The following SLC27A2 variants were observed in gnomAD, a reference collection of about 807,000 sequenced individuals.
SLC27A2 encodes the protein solute carrier family 27 member 2, also known as long-chain fatty acid transport protein 2.
SLC27A2 carries 54 observed loss-of-function variants against 60.0 expected under a neutral mutation model. That is an observed-to-expected ratio of 0.90 (90% CI 0.72 to 1.13). SLC27A2 has a LOEUF of 1.13. SLC27A2 is among the 50% of genes most tolerant of loss of function. SLC27A2 has a pLI of 0.00. For synonymous variants in SLC27A2, 297 were observed against 297.6 expected, an observed-to-expected ratio of 1.00 and a Z score of 0.02; for missense variants, 739 against 777.6, an observed-to-expected ratio of 0.95 and a Z score of 0.59.
At chr15:50,192,068 A>G (rs1379848739) in intron 1 of SLC27A2, among the ~76,000 whole-genome samples, 3 of 152,130 alleles carry the variant, frequency 2.0e-5, no homozygotes, top group Admixed American at 6.5e-5. Context: ...TCAAAAAAAA[A>G]AAAAAGAAAA....
At position 50,235,992 on chromosome 15, in the gene SLC27A2, G is replaced by T; in HGVS notation, c.1759G>T (p.Val587Phe). The change falls in exon 10 of 10, where the codon GTC becomes TTC. Residue 587 changes from valine to phenylalanine, a missense_variant. Coordinates refer to ENST00000267842, the MANE Select transcript of SLC27A2 (RefSeq NM_003645.4). ...GGTGGAGGAGGGCTTTAACCCTGCT[G>T]TCATCAAAGATGCCTTGTATTTCTT... ...TLVEEGFNPAVIKDALYFLDD... is the reference protein window; with the variant it reads ...TLVEEGFNPAFIKDALYFLDD... 6.2e-7 allele frequency: 1 copy of T among 1,614,122 alleles called. No homozygotes were observed. The highest frequency in any genetic ancestry group is 1.1e-5 in the South Asian group (1 of 91,078).
chr15:50,183,545 C>G (rs1159159376), intron 1 of SLC27A2, among the ~76,000 whole-genome samples: 1 of 152,218 alleles, frequency 6.6e-6, no homozygotes, highest in African/African-American at 2.4e-5. Context: ...TGAGCCCCCA[C>G]TGCATCTATC....
intron 4 of SLC27A2, among the ~76,000 whole-genome samples, chr15:50,206,831 T>C (rs973976014): frequency 6.6e-6 from 1 of 152,218 alleles, no homozygotes; most frequent in African/African-American, 2.4e-5. Flanking sequence ...GTAGTTGAGT[T>C]GAGGGAGCTA....
intron 4 of SLC27A2, 53 bp downstream of exon 4, chr15:50,205,416 A>C: frequency 1.3e-6 from 2 of 1,562,934 alleles, no homozygotes; most frequent in Non-Finnish European, 1.7e-6. Context: ...ATGGAAATTC[A>C]AGTCACTTTG....
intron 1 of SLC27A2, among the ~76,000 whole-genome samples, chr15:50,194,000 A>G (rs903067460): frequency 1.3e-5 from 2 of 152,080 alleles, no homozygotes; most frequent in African/African-American, 4.8e-5. Flanking sequence ...CTCTACAAAA[A>G]GTTAGCTGGG....
At chr15:50,189,430 C>A (rs1179966511) in intron 1 of SLC27A2, among the ~76,000 whole-genome samples, 1 of 152,246 alleles carries the variant, frequency 6.6e-6, no homozygotes, top group African/African-American at 2.4e-5. Context: ...AGGACAGAAA[C>A]CCAGACACCA....
intron 2 of SLC27A2, among the ~76,000 whole-genome samples, 198 bp from the exon 3 acceptor site, chr15:50,202,289 A>G (rs1288951261): frequency 1.3e-5 from 2 of 152,222 alleles, no homozygotes; most frequent in Admixed American, 6.5e-5. Flanking sequence ...CAGAGATTGT[A>G]TGACCCACAA....
chr15:50,227,900 C>G (rs1332455810), intron 7 of SLC27A2, among the ~76,000 whole-genome samples: 1 of 152,178 alleles, frequency 6.6e-6, no homozygotes, highest in Non-Finnish European at 1.5e-5. Flanking sequence ...CCAGGCTCAC[C>G]TCTCCCACTG....
chr15:50,223,447 A>T (rs1298636535), intron 5 of SLC27A2, among the ~76,000 whole-genome samples: 1 of 152,228 alleles, frequency 6.6e-6, no homozygotes, highest in African/African-American at 2.4e-5. Context: ...GTGATAAAAC[A>T]CCTGAAGGTT....
chr15:50,224,495 ATGCC>A (rs1460724304), intron 5 of SLC27A2, among the ~76,000 whole-genome samples: 1 of 152,214 alleles, frequency 6.6e-6, no homozygotes, highest in African/African-American at 2.4e-5. Context: ...CTATAGCCCA[ATGCC>A]TGTCATTTAA....
At position 50,182,417 on chromosome 15, in the gene SLC27A2, C is replaced by T; in HGVS notation, c.-11C>T. Reference sequence around the variant, plus strand: ...TCTGCCCTCGCTGGGACAGAGGGCCCCGCAGCCGTCATGCTTTCCGCCATC... The same window carrying T: ...TCTGCCCTCGCTGGGACAGAGGGCCTCGCAGCCGTCATGCTTTCCGCCATC... On this transcript the variant is annotated 5_prime_UTR_variant, in exon 1 of 10. Transcript: ENST00000267842. 1 of 1,581,756 alleles carries T rather than the reference C, an allele frequency of 6.3e-7. No individual in the cohort carries two copies. Among genetic ancestry groups the T allele is most frequent in the Non-Finnish European group, 8.6e-7 (1 of 1,161,050 alleles).
intron 1 of SLC27A2, among the ~76,000 whole-genome samples, chr15:50,192,336 C>T (rs1445635090): frequency 2.0e-5 from 3 of 152,126 alleles, no homozygotes; most frequent in Non-Finnish European, 4.4e-5. Context: ...TGGTGTAGGG[C>T]AGGGGCAATG....
chr15:50,217,666 A>G (rs1049895184), intron 4 of SLC27A2, among the ~76,000 whole-genome samples: 12 of 152,190 alleles, frequency 7.9e-5, no homozygotes, highest in African/African-American at 2.9e-4. Context: ...TTTCTGTTGC[A>G]TTACTCTTAA....
intron 1 of SLC27A2, among the ~76,000 whole-genome samples, chr15:50,194,137 C>A (rs1036823732): frequency 6.6e-6 from 1 of 152,092 alleles, no homozygotes; most frequent in African/African-American, 2.4e-5. Context: ...CAGAGCAGGA[C>A]CCTGTCTCTA....
At chr15:50,195,803 C>T (rs1198103992) in intron 1 of SLC27A2, among the ~76,000 whole-genome samples, 2 of 151,394 alleles carry the variant, frequency 1.3e-5, no homozygotes, top group East Asian at 2.0e-4. Context: ...CACCTTCCTA[C>T]CCAGCACTTT....
chr15:50,235,510 T>G lies in SLC27A2; in HGVS notation c.1687-410T>G, dbSNP rs76052267. Among the ~76,000 whole-genome samples the G allele has an allele frequency of 2.8e-3, 422 of 152,234 alleles. 1 individual carries two copies. Among genetic ancestry groups the G allele is most frequent in the African/African-American group, 9.8e-3 (408 of 41,526 alleles). ...AGGTGATCCTAAAGCTTTAAGGGAA[T>G]AAAAAATACCTCACAAAGGGCTCCC... On this transcript the variant is annotated intron_variant, in intron 9 of 9. Coordinates refer to ENST00000267842, the MANE Select transcript of SLC27A2 (RefSeq NM_003645.4).
intron 1 of SLC27A2, among the ~76,000 whole-genome samples, chr15:50,185,402 G>A (rs968925088): frequency 5.9e-5 from 9 of 152,094 alleles, no homozygotes; most frequent in African/African-American, 1.9e-4. Context: ...CTTTGCACAT[G>A]AAGCAAAATT....
At chr15:50,197,155 T>C (rs2045029739) in intron 1 of SLC27A2, among the ~76,000 whole-genome samples, 1 of 106,204 alleles carries the variant, frequency 9.4e-6, no homozygotes, top group Admixed American at 1.1e-4. Flanking sequence ...CCCTCAAATA[T>C]TGGAATCCTG....
Position 50,182,211 on chromosome 15 carries a change from C to G in SLC27A2, c.-217C>G. 1.5e-6 allele frequency: 1 copy of G among 650,158 alleles called. No homozygotes were observed. The highest frequency in any genetic ancestry group is 4.0e-5 in the East Asian group (1 of 24,954). 40.3% of individuals were successfully genotyped at this position (650,158 alleles called of 1,614,324 possible). On this transcript the variant is annotated 5_prime_UTR_variant, in exon 1 of 10. Coordinates refer to ENST00000267842, the MANE Select transcript of SLC27A2 (RefSeq NM_003645.4). ...TCAGCCGGCCAGTCCTGCCCGGAAC[C>G]CCCGGCAACGCGCATACGACTACAC...
Sources: allele counts gnomAD v4.1 joint callset (sites outside exome capture counted in the v4.1 genomes callset), GRCh38; gene constraint gnomAD v4.1.1; transcripts MANE v1.5; gene names NCBI Gene and HGNC (gene_info 2026-07-23, HGNC 2026-07-21).